Variants in KCTD14 observed in about 807,000 individuals in gnomAD.
KCTD14 encodes the protein potassium channel tetramerization domain containing 14, also known as BTB/POZ domain-containing protein KCTD14.
KCTD14 carries 7 observed loss-of-function variants against 5.9 expected under a neutral mutation model. That is an observed-to-expected ratio of 1.19 (90% CI 0.68 to 2.23). The LOEUF is 2.23. KCTD14 is among the 30% of genes most tolerant of loss of function. The pLI, the probability that KCTD14 is intolerant of heterozygous loss-of-function variation, is 0.00. For missense variants in KCTD14, 342 were observed against 332.2 expected (o/e 1.03, Z -0.23); for synonymous variants, 140 against 133.1 (o/e 1.05, Z -0.36).
chr11:78,028,624 G>T (rs56085712), intron 2 of KCTD14, among the ~76,000 whole-genome samples: 70,171 of 145,246 alleles, frequency 0.48, 17,724 homozygotes, highest in African/African-American at 0.63. Context: ...AAAAAAAGCA[G>T]CCTGAGGGGA....
Position 78,023,235 on chromosome 11 carries a change from G to A in KCTD14, c.15C>T (p.Cys5=), listed in dbSNP as rs752574855. 1 of 1,608,826 alleles carries A rather than the reference G, an allele frequency of 6.2e-7. No individual in the cohort carries two copies. Among genetic ancestry groups the A allele is most frequent in the South Asian group, 1.1e-5 (1 of 91,050 alleles). The change falls in exon 1 of 2, where the codon TGC becomes TGT. Residue 5 remains cysteine, a synonymous_variant. Coordinates refer to ENST00000353172, the MANE Select transcript of KCTD14 (RefSeq NM_023930.4). The part of the protein sequence containing the change: MWQG[C]AVERPVGRMT... Reference sequence around the variant, plus strand: ...TCCTGCCCACTGGCCGCTCCACTGCGCAGCCCTGCCACATGCAGATCACTT... The same window carrying A: ...TCCTGCCCACTGGCCGCTCCACTGCACAGCCCTGCCACATGCAGATCACTT...
upstream of KCTD14, among the ~76,000 whole-genome samples, chr11:78,027,517 C>T (rs1366529324): frequency 1.3e-5 from 2 of 151,994 alleles, no homozygotes; most frequent in Non-Finnish European, 2.9e-5. Context: ...CATGTACCAC[C>T]ACAACCAGCT....
At chr11:78,034,697 G>A (rs889163584) in intron 2 of KCTD14, among the ~76,000 whole-genome samples, 2 of 151,988 alleles carry the variant, frequency 1.3e-5, no homozygotes, top group African/African-American at 2.4e-5. Flanking sequence ...GACAGCCCAC[G>A]TGTTTTCAAG....
intron 1 of KCTD14, chr11:78,045,947 G>C (rs1858125230): frequency 4.8e-6 from 1 of 208,694 alleles, no homozygotes; most frequent in African/African-American, 2.4e-5. Flanking sequence ...GGGTGAGGAC[G>C]CAGGGAGGCT....
intron 2 of KCTD14, among the ~76,000 whole-genome samples, chr11:78,032,546 A>G (rs1346993875): frequency 2.6e-5 from 4 of 152,170 alleles, no homozygotes; most frequent in Non-Finnish European, 5.9e-5. Context: ...TAGAAAGCCT[A>G]TTTTGCTAAA....
intron 2 of KCTD14, among the ~76,000 whole-genome samples, chr11:78,029,601 G>C (rs1390454943): frequency 6.6e-6 from 1 of 152,162 alleles, no homozygotes; most frequent in African/African-American, 2.4e-5. Flanking sequence ...TCTCTCTCCT[G>C]TTCTCACTTT....
At chr11:78,043,434 C>T (rs1383957658) in intron 1 of KCTD14, among the ~76,000 whole-genome samples, 1 of 152,206 alleles carries the variant, frequency 6.6e-6, no homozygotes, top group African/African-American at 2.4e-5. Flanking sequence ...TGAGCCACTG[C>T]ACCCAGCCTG....
upstream of KCTD14, among the ~76,000 whole-genome samples, chr11:78,025,684 A>G (rs149243239): frequency 2.0e-3 from 305 of 152,318 alleles, 1 homozygote; most frequent in Non-Finnish European, 3.0e-3. Flanking sequence ...TGGCCAGTGT[A>G]GACTATTTAG....
intron 2 of KCTD14, among the ~76,000 whole-genome samples, chr11:78,035,000 T>C (rs1857746638): frequency 6.6e-6 from 1 of 152,192 alleles, no homozygotes; most frequent in South Asian, 2.1e-4. Flanking sequence ...TAAGAGTTGA[T>C]GAGAACCTGA....
chr11:78,040,163 G>A (rs1020569255), intron 1 of KCTD14, among the ~76,000 whole-genome samples: 22 of 152,178 alleles, frequency 1.4e-4, no homozygotes, highest in South Asian at 8.3e-4. Context: ...AGAGCTGGCC[G>A]CTGGCCAGGA....
upstream of KCTD14, among the ~76,000 whole-genome samples, chr11:78,027,921 G>A (rs1857509243): frequency 6.6e-6 from 1 of 152,024 alleles, no homozygotes; most frequent in Non-Finnish European, 1.5e-5. Flanking sequence ...TCAGTCTTAA[G>A]GTCTCTGTTT....
chr11:78,029,843 G>A (rs113784408), intron 2 of KCTD14, among the ~76,000 whole-genome samples: 13,388 of 150,750 alleles, frequency 0.089, 1,900 homozygotes, highest in African/African-American at 0.31. Flanking sequence ...GTGCAGTAGC[G>A]CAATCTCGGC....
intron 2 of KCTD14, chr11:78,038,636 G>A: frequency 1.3e-6 from 2 of 1,534,808 alleles, no homozygotes; most frequent in Non-Finnish European, 1.7e-6. Flanking sequence ...CAGACACCTG[G>A]ACCCAAGAGA....
intron 1 of KCTD14, among the ~76,000 whole-genome samples, chr11:78,040,500 C>G (rs541034796): frequency 1.3e-5 from 2 of 151,774 alleles, no homozygotes; most frequent in Admixed American, 1.3e-4. Flanking sequence ...TCTTTCTGCA[C>G]CTTTTAATTT....
chr11:78,023,485 T>C, upstream of KCTD14: 2 of 510,324 alleles, frequency 3.9e-6, no homozygotes, highest in Admixed American at 3.8e-5. Context: ...CCTTTTGATA[T>C]AGATTAATTT....
chr11:78,018,686 G>A (rs111400105), intron 1 of KCTD14, among the ~76,000 whole-genome samples: 5,296 of 148,530 alleles, frequency 0.036, 313 homozygotes, highest in African/African-American at 0.12. Context: ...CAGCCTGCGC[G>A]ACAGAATGAG....
chr11:78,033,839 CCATCTCA>C (rs1250511184), intron 2 of KCTD14, among the ~76,000 whole-genome samples: 52 of 69,976 alleles, frequency 7.4e-4, no homozygotes, highest in African/African-American at 3.0e-3. Flanking sequence ...GAGTAAGACT[CCATCTCA>C]AAAAAAAAAA....
Position 78,016,344 on chromosome 11 carries a change from C to G in KCTD14, c.*249G>C. On this transcript the variant is annotated 3_prime_UTR_variant, in exon 2 of 2. Coordinates refer to ENST00000353172, the MANE Select transcript of KCTD14 (RefSeq NM_023930.4). ...CTTACTTGGTCTTGTTATTGGACTTCAAGAGAAGGGTCTGGGAGATACATG... is the reference window on the plus strand; with the variant it reads ...CTTACTTGGTCTTGTTATTGGACTTGAAGAGAAGGGTCTGGGAGATACATG... The G allele has an allele frequency of 1.9e-6, 1 of 535,714 alleles. No homozygotes were observed. Among genetic ancestry groups the G allele is most frequent in the South Asian group, 2.5e-5 (1 of 40,194 alleles). The allele number at this position is 535,714 out of a possible 1,614,324, so 33.2% of individuals were successfully genotyped here.
At chr11:78,031,575 A>G (rs2136736439) in intron 2 of KCTD14, among the ~76,000 whole-genome samples, 1 of 150,132 alleles carries the variant, frequency 6.7e-6, no homozygotes, top group South Asian at 2.1e-4. Flanking sequence ...TTTAGTAGAG[A>G]TGGGGTTTCA....
Sources: gnomAD v4.1 joint callset for allele counts (sites outside exome capture counted in the v4.1 genomes callset) on GRCh38, gnomAD v4.1.1 for gene constraint, MANE v1.5 for transcripts, NCBI Gene and HGNC (gene_info 2026-07-23, HGNC 2026-07-21) for gene names.